EXT1: variants seen among roughly 807,000 people sequenced by gnomAD.
The protein encoded by EXT1 is exostosin-1.
Under a neutral mutation model 82.5 loss-of-function variants are expected in EXT1, and 20 were observed. The observed-to-expected ratio is 0.24, with a 90% CI of 0.17 to 0.35. EXT1 has a LOEUF of 0.35. EXT1 is among the 10% of genes least tolerant of loss of function. EXT1 has a pLI of 1.00. For missense variants in EXT1, 757 were observed against 936.5 expected (o/e 0.81, Z 2.50); for synonymous variants, 348 against 350.8 (o/e 0.99, Z 0.09).
intron 1 of EXT1, among the ~76,000 whole-genome samples, chr8:118,061,467 G>C (rs1037463031): frequency 6.6e-6 from 1 of 152,156 alleles, no homozygotes; most frequent in African/African-American, 2.4e-5. Context: ...TCATAAAATT[G>C]TCTCTCTCTG....
rs183405846 is a variant in EXT1, at chr8:117,925,199, G to A, written c.963-87998C>T. On this transcript the variant is annotated intron_variant, in intron 1 of 10. Coordinates refer to ENST00000378204, the MANE Select transcript of EXT1 (RefSeq NM_000127.3). ...ATATGGTGTCACTGTCCCTCACCTG[G>A]ATTATATTCTATGGCTTTCCTCATA... 1.3e-3 allele frequency among the ~76,000 whole-genome samples: 204 copies of A among 152,202 alleles called. 1 individual carries two copies. Among genetic ancestry groups the A allele is most frequent in the African/African-American group, 4.7e-3 (196 of 41,536 alleles).
chr8:117,852,762 A>G lies in EXT1; in HGVS notation c.963-15561T>C, dbSNP rs1587011296. Among the ~76,000 whole-genome samples the G allele has an allele frequency of 2.0e-5, 3 of 152,146 alleles. No homozygotes were observed. In the East Asian group the frequency reaches 5.8e-4, roughly 29 times the overall value. The stretch of plus-strand genomic sequence containing the variant: ...ATCCATCCATCCATTTACCAATAGC[A>G]CTTATTACGTACCCACTAAGCACCA... On this transcript the variant is annotated intron_variant, in intron 1 of 10. Transcript: ENST00000378204.
chr8:117,958,981 T>C (rs957142164), intron 1 of EXT1, among the ~76,000 whole-genome samples: 9 of 152,236 alleles, frequency 5.9e-5, no homozygotes, highest in Non-Finnish European at 1.3e-4. Flanking sequence ...TGGGTTTTTC[T>C]GCACTGATCC....
At chr8:118,038,110 G>T (rs1816459701) in intron 1 of EXT1, among the ~76,000 whole-genome samples, 1 of 152,150 alleles carries the variant, frequency 6.6e-6, no homozygotes, top group Non-Finnish European at 1.5e-5. Context: ...ATAGGCGTGA[G>T]CCACTGCACC....
chr8:117,878,097 AC>A (rs1813001716), intron 1 of EXT1, among the ~76,000 whole-genome samples: 1 of 152,076 alleles, frequency 6.6e-6, no homozygotes, highest in Non-Finnish European at 1.5e-5. Flanking sequence ...ACATGGTGAA[AC>A]CCCCATCTCT....
intron 1 of EXT1, among the ~76,000 whole-genome samples, chr8:117,905,221 A>T (rs902861782): frequency 8.5e-5 from 13 of 152,196 alleles, no homozygotes; most frequent in African/African-American, 3.1e-4. Flanking sequence ...CTGTTGGCTG[A>T]CCGTGGGCAA....
chr8:117,863,411 G>GGTT (rs1554582091), intron 1 of EXT1, among the ~76,000 whole-genome samples: 1 of 132,354 alleles, frequency 7.6e-6, no homozygotes, highest in Admixed American at 8.1e-5. Context: ...CTAAGTCTAG[G>GGTT]TTTTTTTTTT....
At chr8:117,853,910 A>G (rs138067558) in intron 1 of EXT1, among the ~76,000 whole-genome samples, 25 of 152,366 alleles carry the variant, frequency 1.6e-4, no homozygotes, top group African/African-American at 5.3e-4. Flanking sequence ...AAATACTGAA[A>G]TGACTTAATT....
intron 3 of EXT1, among the ~76,000 whole-genome samples, chr8:117,832,254 C>T (rs1330714667): frequency 2.6e-5 from 4 of 152,140 alleles, no homozygotes; most frequent in Admixed American, 1.3e-4. Flanking sequence ...AGGCCGGGCG[C>T]GGTGGCTCAG....
At chr8:117,983,671 G>C (rs1218741074) in intron 1 of EXT1, among the ~76,000 whole-genome samples, 1 of 152,076 alleles carries the variant, frequency 6.6e-6, no homozygotes, top group African/African-American at 2.4e-5. Flanking sequence ...GCACTAAAAA[G>C]TTAAACACCA....
chr8:118,057,551 A>T (rs1816812416), intron 1 of EXT1, among the ~76,000 whole-genome samples: 1 of 151,840 alleles, frequency 6.6e-6, no homozygotes, highest in Non-Finnish European at 1.5e-5. Context: ...TCTTAATTTA[A>T]AAAAAAAGAA....
intron 1 of EXT1, among the ~76,000 whole-genome samples, chr8:117,877,669 C>T (rs939473546): frequency 3.3e-5 from 5 of 152,092 alleles, no homozygotes; most frequent in African/African-American, 4.8e-5. Context: ...AGTGAATGGG[C>T]TAAGTCTGTG....
intron 1 of EXT1, among the ~76,000 whole-genome samples, chr8:117,861,147 C>A (rs1812676971): frequency 6.6e-6 from 1 of 152,170 alleles, no homozygotes; most frequent in East Asian, 1.9e-4. Context: ...AGACTACAGA[C>A]ATCTACGTCC....
intron 2 of EXT1, among the ~76,000 whole-genome samples, chr8:117,835,859 T>C (rs182584880): frequency 4.5e-4 from 68 of 152,352 alleles, no homozygotes; most frequent in African/African-American, 1.5e-3. Context: ...GAAGTTTTTA[T>C]TGACGTAACA....
At chr8:118,043,666 T>C (rs948561837) in intron 1 of EXT1, among the ~76,000 whole-genome samples, 1 of 152,160 alleles carries the variant, frequency 6.6e-6, no homozygotes, top group Non-Finnish European at 1.5e-5. Flanking sequence ...CTCCTCCAAC[T>C]CCAATGCAGA....
At position 117,948,539 on chromosome 8, in the gene EXT1, G is replaced by A. The variant is rs376496994; in HGVS notation, c.963-111338C>T. Among the ~76,000 whole-genome samples the A allele has an allele frequency of 9.8e-4, 149 of 152,274 alleles. 1 individual carries two copies. In the South Asian group the frequency reaches 0.029, roughly 30 times the overall value. On this transcript the variant is annotated intron_variant, in intron 1 of 10. Transcript: ENST00000378204. ...CCATACAACTTTACACATAGTACCA[G>A]GGTTCCATGAACCTAGACTGAATAC...
Position 117,967,010 on chromosome 8 carries a change from AC to A in EXT1, c.963-129810del, listed in dbSNP as rs1185765063. ...ATGGCCCTAAGTACGTTTTAAACAA[AC>A]CCTCAACCTGCCCAAATGAAAAACA... On this transcript the variant is annotated intron_variant, in intron 1 of 10. Coordinates refer to ENST00000378204, the MANE Select transcript of EXT1 (RefSeq NM_000127.3). Among the ~76,000 whole-genome samples, 10 of 152,184 alleles carry A rather than the reference AC, an allele frequency of 6.6e-5. 1 individual carries two copies. The highest frequency in any genetic ancestry group is 6.8e-3 in the Middle Eastern group (2 of 294).
At chr8:117,904,271 T>C (rs1303645685) in intron 1 of EXT1, among the ~76,000 whole-genome samples, 2 of 152,222 alleles carry the variant, frequency 1.3e-5, no homozygotes, top group Non-Finnish European at 2.9e-5. Context: ...GCAGTTCCTA[T>C]AACAAACCTG....
intron 1 of EXT1, among the ~76,000 whole-genome samples, chr8:118,079,870 T>G (rs1291196014): frequency 6.6e-6 from 1 of 152,114 alleles, no homozygotes; most frequent in Non-Finnish European, 1.5e-5. Context: ...AAATAAGAAA[T>G]AACTTCAATA....
Sources: allele counts gnomAD v4.1 joint callset (sites outside exome capture counted in the v4.1 genomes callset), GRCh38; gene constraint gnomAD v4.1.1; transcripts MANE v1.5; gene names NCBI Gene and HGNC (gene_info 2026-07-23, HGNC 2026-07-21).